Variants in KIF1C observed in about 807,000 individuals in gnomAD.
The protein encoded by KIF1C is kinesin-like protein KIF1C.
A neutral mutation model predicts 126.5 loss-of-function variants in KIF1C; 61 were observed. The observed-to-expected ratio is 0.48, with a 90% confidence interval of 0.39 to 0.60. The LOEUF (loss-of-function observed/expected upper bound fraction) is 0.60. Among genes scored for constraint, KIF1C ranks in the 20% least tolerant of loss-of-function variants. The pLI, the probability that KIF1C is intolerant of heterozygous loss-of-function variation, is 0.00. For missense variants in KIF1C, 1,315 were observed against 1,489.2 expected, an observed-to-expected ratio of 0.88 and a Z score of 1.93; for synonymous variants, 640 against 580.6, an observed-to-expected ratio of 1.10 and a Z score of -1.47.
chr17:5,020,493 G>A lies in KIF1C; in HGVS notation c.1752G>A (p.Gly584=). Residue 584 remains glycine (G), a splice_region_variant and synonymous_variant, in exon 20 of 23, where the codon GGG becomes GGA. Coordinates refer to ENST00000320785, the MANE Select transcript of KIF1C (RefSeq NM_006612.6). This position sits in a 1 kb window ranked among gnomAD's most constrained non-coding sequence, Gnocchi z 5.8. ...LVTEPLVLKS[G]NRIVMGKNHV... is the part of the protein sequence containing the mutation. ...ACTTTTCCCTCCTCCCATCTCTAGG[G>A]AATAGGATTGTGATGGGCAAGAACC... The A allele has an allele frequency of 6.2e-7, 1 of 1,611,408 alleles. No homozygotes were observed. Among genetic ancestry groups the A allele is most frequent in the Non-Finnish European group, 8.5e-7 (1 of 1,178,466 alleles).
chr17:5,001,117 A>G lies in KIF1C; in HGVS notation c.184-105A>G, dbSNP rs976011583. On this transcript the variant is annotated intron_variant, in intron 4 of 22. Coordinates refer to ENST00000320785, the MANE Select transcript of KIF1C (RefSeq NM_006612.6). ...ATGAGGGTGGGAGGGCACACAGGAC[A>G]TTTGGGGAATCGTCAGTGATGGAAG... 12 of 1,238,220 alleles carry G rather than the reference A, an allele frequency of 9.7e-6. No homozygotes were observed. In the African/African-American group the frequency reaches 1.3e-4, roughly 14 times the overall value. 76.7% of individuals were successfully genotyped at this position (1,238,220 alleles called of 1,614,324 possible).
At chr17:5,015,224 G>A (rs1974947154) in intron 18 of KIF1C, among the ~76,000 whole-genome samples, 1 of 152,172 alleles carries the variant, frequency 6.6e-6, no homozygotes, top group Non-Finnish European at 1.5e-5. Context: ...ACTTGTCCCT[G>A]TGGAAAACCT....
intron 12 of KIF1C, 45 bp downstream of exon 12, chr17:5,004,690 T>C (rs1447117977): frequency 6.2e-7 from 1 of 1,601,914 alleles, no homozygotes; most frequent in Admixed American, 1.7e-5. Context: ...ATAGGAAGAG[T>C]GCCAGGAGTT....
chr17:5,007,083 A>G lies in KIF1C; in HGVS notation c.1334A>G (p.Gln445Arg). ...IGPEEAMERL[Q>R]ETEKIIAELN... ...CCTGAGGAAGCCATGGAGAGGCTGC[A>G]GGTGGGAAGCTGGAGCTGGCAAGGG... Residue 445 changes from glutamine (Q) to arginine (R), a missense_variant and splice_region_variant, in exon 14 of 23, where the codon CAG becomes CGG. Coordinates refer to ENST00000320785, the MANE Select transcript of KIF1C (RefSeq NM_006612.6). The G allele has an allele frequency of 6.3e-7, 1 of 1,586,290 alleles. No homozygotes were observed. The highest frequency in any genetic ancestry group is 8.6e-7 in the Non-Finnish European group (1 of 1,169,278).
In KIF1C at chr17:5,027,476, C is replaced by A. The variant is rs936189026; in HGVS notation, c.*3325C>A. ...TCAAGATCTTGCTATGTTGCCCAGG[C>A]TGAACTCGAACTCCTGGGCTCAAGC... is the stretch of plus-strand genomic sequence containing the variant. On this transcript the variant is annotated 3_prime_UTR_variant, in exon 23 of 23. Coordinates refer to ENST00000320785, the MANE Select transcript of KIF1C (RefSeq NM_006612.6). 4 of 152,360 alleles carry A rather than the reference C, an allele frequency of 2.6e-5. No individual in the cohort carries two copies. The highest frequency in any genetic ancestry group is 9.7e-5 in the African/African-American group (4 of 41,434). The allele number at this position is 152,360 out of a possible 1,614,324, so 9.4% of individuals were successfully genotyped here. A position where few individuals can be genotyped will look rare whatever the true frequency, so the allele number is the denominator to read the frequency against.
At position 5,002,560 on chromosome 17, in the gene KIF1C, C is replaced by T. The variant is rs746419418; in HGVS notation, c.526C>T (p.Pro176Ser). 2 of 1,614,064 alleles carry T rather than the reference C, an allele frequency of 1.2e-6. No homozygotes were observed. Among genetic ancestry groups the T allele is most frequent in the Non-Finnish European group, 1.7e-6 (2 of 1,179,970 alleles). The change falls in exon 7 of 23, where the codon CCG becomes TCG. Residue 176 changes from proline (P) to serine (S), a missense_variant. This residue lies in a region of KIF1C where 874 missense variants were observed against 1,053.2 expected (regional missense o/e 0.83). Transcript: ENST00000320785. Reference protein sequence around the residue: ...LRVREHPILGPYVQDLSKLAV... With the variant: ...LRVREHPILGSYVQDLSKLAV... ...GGTCCGGGAGCACCCCATCCTGGGCCCGTACGTGCAGGACCTGTCCAAATT... is the reference window on the plus strand; with the variant it reads ...GGTCCGGGAGCACCCCATCCTGGGCTCGTACGTGCAGGACCTGTCCAAATT...
Position 5,004,951 on chromosome 17 carries a change from GC to G in KIF1C, c.1117del (p.Leu373CysfsTer5). Reference sequence around the variant, plus strand: ...GAGAGCTGCAGGAGGAAGTAGCCCGGCTGCGGGAACTGCTGATGGCTCAGGG... The same window carrying G: ...GAGAGCTGCAGGAGGAAGTAGCCCGGTGCGGGAACTGCTGATGGCTCAGGG... ...IRELQEEVAR[L>X]RELLMAQGLS... On this transcript the variant is annotated frameshift_variant, in exon 13 of 23. Transcript: ENST00000320785. LOFTEE classifies it high-confidence loss of function. 6.2e-7 allele frequency: 1 copy of G among 1,614,242 alleles called. No individual in the cohort carries two copies. Among genetic ancestry groups the G allele is most frequent in the Non-Finnish European group, 8.5e-7 (1 of 1,180,036 alleles).
At chr17:5,005,130 G>A (rs183383031) in intron 13 of KIF1C, 130 bp downstream of exon 13, 461 of 1,142,530 alleles carry the variant, frequency 4.0e-4, no homozygotes, top group Admixed American at 2.6e-3. Context: ...GCTCAGTGAC[G>A]TGGACACAGA....
At chr17:5,014,258 A>C (rs572843722) in intron 17 of KIF1C, 1 of 168,806 alleles carries the variant, frequency 5.9e-6, no homozygotes, top group East Asian at 1.7e-4. Context: ...AGGATCATCA[A>C]CCTAAGGATG....
Position 5,022,070 on chromosome 17 carries a change from C to G in KIF1C, c.2011-22C>G, listed in dbSNP as rs1567728389. ...TCTGGATGTCCTTAGCCCTCTCTTC[C>G]TCTTTCTTTCTCTGGCCCCAGTATG... On this transcript the variant is annotated intron_variant, in intron 21 of 22. Coordinates refer to ENST00000320785, the MANE Select transcript of KIF1C (RefSeq NM_006612.6). The surrounding 1 kb of genome is among the most constrained non-coding windows in gnomAD (Gnocchi z 4.9). 1.9e-6 allele frequency: 3 copies of G among 1,578,526 alleles called. No individual in the cohort carries two copies. The highest frequency in any genetic ancestry group is 2.6e-6 in the Non-Finnish European group (3 of 1,159,516).
In KIF1C at chr17:5,024,457, T is replaced by G; in HGVS notation, c.*306T>G. ...TGGGGTGGGGGGCTGGGGTGCTGCG[T>G]AGCCAGTGTTTGACTTTCTTTTCAA... On this transcript the variant is annotated 3_prime_UTR_variant, in exon 23 of 23. Transcript: ENST00000320785. The G allele has an allele frequency of 9.0e-6, 3 of 332,056 alleles. No homozygotes were observed. Among genetic ancestry groups the G allele is most frequent in the South Asian group, 9.3e-5 (1 of 10,714 alleles). 20.6% of individuals were successfully genotyped at this position (332,056 alleles called of 1,614,324 possible). A position where few individuals can be genotyped will look rare whatever the true frequency, so the allele number is the denominator to read the frequency against.
intron 16 of KIF1C, chr17:5,011,973 C>T (rs565962138): frequency 6.6e-6 from 1 of 152,330 alleles, no homozygotes; most frequent in South Asian, 2.1e-4. Flanking sequence ...CACTTTGTTC[C>T]TCTTTGCATG....
In KIF1C at chr17:5,001,338, G is replaced by A. The variant is rs759050319; in HGVS notation, c.300G>A (p.Gly100=). 25 of 1,614,046 alleles carry A rather than the reference G, an allele frequency of 1.5e-5. No homozygotes were observed. The highest frequency in any genetic ancestry group is 9.3e-5 in the African/African-American group (7 of 74,924). ...NVCIFAYGQT[G]AGKSYTMMGR... ...GCATCTTTGCCTATGGGCAGACCGG[G>A]GCTGGGAAATCCTATACCATGATGG... is the stretch of plus-strand genomic sequence containing the variant. The change falls in exon 5 of 23, where the codon GGG becomes GGA. Residue 100 remains glycine, a synonymous_variant. Transcript: ENST00000320785.
chr17:5,003,600 C>T lies in KIF1C; in HGVS notation c.721-12C>T, dbSNP rs370176878. 2 of 1,603,880 alleles carry T rather than the reference C, an allele frequency of 1.2e-6. No individual in the cohort carries two copies. Among genetic ancestry groups the T allele is most frequent in the African/African-American group, 2.7e-5 (2 of 74,618 alleles). On this transcript the variant is annotated splice_polypyrimidine_tract_variant and intron_variant, in intron 8 of 22. Coordinates refer to ENST00000320785, the MANE Select transcript of KIF1C (RefSeq NM_006612.6). ...CCGCACCTTATCTCCTGCCTGTTTC[C>T]TCTGACCCCAGGTCAGTAAGATCAG...
In KIF1C at chr17:5,020,093, C is replaced by A; in HGVS notation, c.1750+14C>A. ...TGCTGAAGTCAGGTAGAAGATGTGT[C>A]GCAGATTGAGGGTTCTGGGGCGTGG... On this transcript the variant is annotated intron_variant, in intron 19 of 22. Coordinates refer to ENST00000320785, the MANE Select transcript of KIF1C (RefSeq NM_006612.6). The surrounding 1 kb of genome is among the most constrained non-coding windows in gnomAD (Gnocchi z 5.8). 6.4e-7 allele frequency: 1 copy of A among 1,570,806 alleles called. No homozygotes were observed. The highest frequency in any genetic ancestry group is 8.6e-7 in the Non-Finnish European group (1 of 1,156,308).
intron 3 of KIF1C, 147 bp from the exon 4 acceptor site, chr17:5,000,625 G>T: frequency 2.5e-6 from 2 of 786,660 alleles, no homozygotes; most frequent in Non-Finnish European, 4.2e-6. Context: ...GGTGGCTGGA[G>T]GGGGTGGGGA....
At chr17:5,010,981 T>C (rs1873785558) in intron 16 of KIF1C, among the ~76,000 whole-genome samples, 1 of 151,726 alleles carries the variant, frequency 6.6e-6, no homozygotes, top group South Asian at 2.1e-4. Context: ...TGGCTAATTT[T>C]TTGAACCATA....
At chr17:5,019,775 A>G (rs939749316) in intron 18 of KIF1C, 8 of 582,042 alleles carry the variant, frequency 1.4e-5, no homozygotes, top group African/African-American at 1.1e-4. Flanking sequence ...GAGCCACTGC[A>G]GAGGCTTCTG....
At chr17:5,000,386 G>C in intron 3 of KIF1C, 34 bp downstream of exon 3, 1 of 1,422,298 alleles carries the variant, frequency 7.0e-7, no homozygotes, top group Non-Finnish European at 9.7e-7. Flanking sequence ...CTGGGCACAG[G>C]CAGGGAAGGC....
Sources: gnomAD v4.1 joint callset for allele counts (sites outside exome capture counted in the v4.1 genomes callset) on GRCh38, gnomAD v4.1.1 for gene constraint, gnomAD v4.1.1 regional missense constraint, Gnocchi (gnomAD v3.1) non-coding constraint, MANE v1.5 for transcripts, NCBI Gene and HGNC (gene_info 2026-07-23, HGNC 2026-07-21) for gene names.